COL24A1: variants seen among roughly 807,000 people sequenced by gnomAD.
COL24A1 encodes the protein collagen type XXIV alpha 1 chain.
In COL24A1, 224 loss-of-function variants were observed where a neutral mutation model predicts 253.9. The ratio of observed to expected loss-of-function variants is 0.88; its 90% CI spans 0.79 to 0.99. COL24A1 has a LOEUF of 0.99. COL24A1 is among the 50% of genes least tolerant of loss of function. COL24A1 has a pLI of 0.00. For missense variants in COL24A1, 2,131 were observed against 2,068.5 expected, an observed-to-expected ratio of 1.03 and a Z score of -0.59; for synonymous variants, 685 against 673.7, an observed-to-expected ratio of 1.02 and a Z score of -0.26.
intron 14 of COL24A1, among the ~76,000 whole-genome samples, chr1:86,027,574 T>A (rs185109909): frequency 6.3e-4 from 96 of 152,304 alleles, no homozygotes; most frequent in African/African-American, 2.2e-3. Context: ...AATTGAGGTT[T>A]GGGAACCTCT....
chr1:86,151,091 ATGTG>A (rs546227737), intron 1 of COL24A1, among the ~76,000 whole-genome samples: 1 of 150,732 alleles, frequency 6.6e-6, no homozygotes, highest in Admixed American at 6.6e-5. Flanking sequence ...GTTTGTATAT[ATGTG>A]TGTGTGTGTG....
intron 20 of COL24A1, among the ~76,000 whole-genome samples, chr1:85,978,433 G>GA (rs1202145359): frequency 6.0e-5 from 9 of 150,524 alleles, no homozygotes; most frequent in African/African-American, 1.7e-4. Context: ...ATGGCAGAAT[G>GA]AAAAAAAAAT....
chr1:85,996,796 A>C (rs1558943896), intron 19 of COL24A1, among the ~76,000 whole-genome samples: 1 of 151,834 alleles, frequency 6.6e-6, no homozygotes, highest in Non-Finnish European at 1.5e-5. Context: ...TATTCTGGAG[A>C]CTGTTTATCT....
intron 7 of COL24A1, among the ~76,000 whole-genome samples, chr1:86,082,516 A>G (rs569461153): frequency 6.6e-6 from 1 of 151,616 alleles, no homozygotes; most frequent in South Asian, 2.1e-4. Flanking sequence ...ACCTCCAGGA[A>G]GTTTATGTGA....
chr1:86,067,417 G>T (rs1701576768), intron 7 of COL24A1, among the ~76,000 whole-genome samples: 1 of 152,130 alleles, frequency 6.6e-6, no homozygotes, highest in African/African-American at 2.4e-5. Context: ...TTAAGTTACT[G>T]TACTCACTGT....
chr1:85,852,961 A>T (rs542950571), intron 37 of COL24A1, among the ~76,000 whole-genome samples: 1 of 152,096 alleles, frequency 6.6e-6, no homozygotes, highest in South Asian at 2.1e-4. Context: ...ATTATGTTTT[A>T]TTTTTTCTAT....
intron 19 of COL24A1, among the ~76,000 whole-genome samples, chr1:86,003,059 T>C (rs1698743): frequency 0.18 from 27,649 of 152,158 alleles, 3,199 homozygotes; most frequent in African/African-American, 0.32. Flanking sequence ...GGAGGTATTA[T>C]GGTGGGAGAA....
intron 53 of COL24A1, among the ~76,000 whole-genome samples, chr1:85,768,071 A>T (rs1422650664): frequency 6.6e-6 from 1 of 152,192 alleles, no homozygotes; most frequent in Non-Finnish European, 1.5e-5. Flanking sequence ...GTCTGAGAAG[A>T]CTTCTTTAAG....
At chr1:86,119,360 G>A (rs1377932466) in intron 3 of COL24A1, among the ~76,000 whole-genome samples, 1 of 152,110 alleles carries the variant, frequency 6.6e-6, no homozygotes. Context: ...TTATGATAAG[G>A]TTTAAGGGAA....
rs1648108745 is a variant in COL24A1 at position 86,125,399 on chromosome 1, G to C, written c.937C>G (p.Gln313Glu). 1 of 1,613,560 alleles carries C rather than the reference G, an allele frequency of 6.2e-7. No individual in the cohort carries two copies. Among genetic ancestry groups the C allele is most frequent in the Non-Finnish European group, 8.5e-7 (1 of 1,179,766 alleles). Residue 313 changes from glutamine to glutamate, a missense_variant, in exon 3 of 60, where the codon CAG (glutamine) becomes GAG (glutamate). Transcript: ENST00000370571. ...KRQEHQISRS[Q>E]LSSLQSGNVS... ...TTTCCTGACTGAAGAGAAGATAACT[G>C]AGATCTTGATATCTGGTGTTCTTGT...
intron 19 of COL24A1, among the ~76,000 whole-genome samples, chr1:85,992,078 C>T (rs377250624): frequency 6.6e-6 from 1 of 151,910 alleles, no homozygotes; most frequent in East Asian, 1.9e-4. Context: ...TCCACTCCCC[C>T]CACCCCACAA....
chr1:86,086,870 C>G (rs1048405818), intron 7 of COL24A1, among the ~76,000 whole-genome samples: 1 of 152,134 alleles, frequency 6.6e-6, no homozygotes, highest in Admixed American at 6.6e-5. Context: ...CCTAGTTATA[C>G]TTGTTTTTCA....
At chr1:85,748,181 T>A (rs1665479576) in intron 55 of COL24A1, among the ~76,000 whole-genome samples, 1 of 152,232 alleles carries the variant, frequency 6.6e-6, no homozygotes, top group African/African-American at 2.4e-5. Context: ...TTCCTTGAAA[T>A]GGAAGGCTAA....
chr1:85,766,078 G>A (rs1361879164), intron 53 of COL24A1, among the ~76,000 whole-genome samples: 1 of 151,990 alleles, frequency 6.6e-6, no homozygotes, highest in African/African-American at 2.4e-5. Flanking sequence ...ATATATATAT[G>A]AATAGGACTG....
At chr1:85,951,397 G>T (rs1183438192) in intron 24 of COL24A1, among the ~76,000 whole-genome samples, 5 of 152,118 alleles carry the variant, frequency 3.3e-5, no homozygotes, top group African/African-American at 1.2e-4. Context: ...ATTTAAGATG[G>T]ATCTTGAAAG....
At chr1:85,754,951 A>C (rs1389150704) in intron 55 of COL24A1, among the ~76,000 whole-genome samples, 2 of 152,196 alleles carry the variant, frequency 1.3e-5, no homozygotes, top group East Asian at 1.9e-4. Flanking sequence ...AATCTGATGC[A>C]AAAATATTAA....
At chr1:85,783,692 G>A in intron 50 of COL24A1, 134 bp from the exon 51 acceptor site, 1 of 781,802 alleles carries the variant, frequency 1.3e-6, no homozygotes, top group South Asian at 1.8e-5. Flanking sequence ...GAAGAATTCA[G>A]AAGGAAGTGT....
chr1:85,732,287 T>C (rs1663568872), intron 59 of COL24A1, among the ~76,000 whole-genome samples: 1 of 151,680 alleles, frequency 6.6e-6, no homozygotes. Flanking sequence ...TGGAGTGCAG[T>C]GGTGCAATCT....
chr1:86,045,455 A>G (rs1264425142), intron 12 of COL24A1, among the ~76,000 whole-genome samples: 5 of 152,198 alleles, frequency 3.3e-5, no homozygotes, highest in Non-Finnish European at 7.3e-5. Context: ...GACTAAAGAA[A>G]ACAAACCACC....
Sources: allele counts gnomAD v4.1 joint callset (sites outside exome capture counted in the v4.1 genomes callset), GRCh38; gene constraint gnomAD v4.1.1; transcripts MANE v1.5; gene names NCBI Gene and HGNC (gene_info 2026-07-23, HGNC 2026-07-21).